AGBL1: variants seen among roughly 807,000 people sequenced by gnomAD.
The protein encoded by AGBL1 is AGBL carboxypeptidase 1.
A neutral mutation model predicts 118.9 loss-of-function variants in AGBL1; 130 were observed. That is an observed-to-expected ratio of 1.09 (90% CI 0.95 to 1.26). The LOEUF is 1.26. Among genes scored for constraint, AGBL1 ranks in the 50% most tolerant of loss-of-function variants. The pLI, the probability that AGBL1 is intolerant of heterozygous loss-of-function variation, is 0.00. For missense variants in AGBL1, 1,584 were observed against 1,298.1 expected (o/e 1.22, Z -3.38); for synonymous variants, 555 against 478.9 (o/e 1.16, Z -2.08).
chr15:86,403,124 G>T (rs1462059624), intron 18 of AGBL1, among the ~76,000 whole-genome samples: 2 of 152,228 alleles, frequency 1.3e-5, no homozygotes, highest in Non-Finnish European at 2.9e-5. Flanking sequence ...TTCCTGAACT[G>T]CATTAAAGGT....
intron 22 of AGBL1, among the ~76,000 whole-genome samples, chr15:86,800,831 A>C (rs2078639061): frequency 6.6e-6 from 1 of 152,164 alleles, no homozygotes; most frequent in Non-Finnish European, 1.5e-5. Context: ...AAAGAAATGG[A>C]GACTGGCCCA....
At chr15:86,127,565 G>T (rs2076763147) in intron 1 of AGBL1, among the ~76,000 whole-genome samples, 1 of 152,042 alleles carries the variant, frequency 6.6e-6, no homozygotes, top group Non-Finnish European at 1.5e-5. Flanking sequence ...GGGCACGTGG[G>T]AAATCATACC....
At chr15:86,723,728 A>T (rs933686079) in intron 22 of AGBL1, among the ~76,000 whole-genome samples, 11 of 152,214 alleles carry the variant, frequency 7.2e-5, no homozygotes, top group Non-Finnish European at 1.3e-4. Flanking sequence ...TATGGCAAAA[A>T]TATACAAAAG....
intron 18 of AGBL1, among the ~76,000 whole-genome samples, chr15:86,408,327 G>GCTCCAAACTT (rs1373438817): frequency 6.6e-6 from 1 of 152,192 alleles, no homozygotes; most frequent in African/African-American, 2.4e-5. Context: ...CAAGGTTTCA[G>GCTCCAAACTT]CTCCAAACTT....
chr15:86,759,888 C>G (rs913209025), intron 22 of AGBL1, among the ~76,000 whole-genome samples: 2 of 152,024 alleles, frequency 1.3e-5, no homozygotes, highest in Admixed American at 1.3e-4. Flanking sequence ...CTTATGGTAA[C>G]CTTATCACCT....
chr15:86,698,609 T>G (rs2086302762), intron 22 of AGBL1, among the ~76,000 whole-genome samples: 1 of 148,182 alleles, frequency 6.7e-6, no homozygotes, highest in African/African-American at 2.6e-5. Flanking sequence ...TGCTGATCAT[T>G]GTTTTTTTTT....
chr15:86,878,482 A>G (rs2079845851), intron 22 of AGBL1, among the ~76,000 whole-genome samples: 1 of 152,022 alleles, frequency 6.6e-6, no homozygotes, highest in Non-Finnish European at 1.5e-5. Context: ...CCTATCCATC[A>G]AGCTTCTTGT....
chr15:86,128,844 G>C (rs925361296), intron 1 of AGBL1, among the ~76,000 whole-genome samples: 2 of 152,178 alleles, frequency 1.3e-5, no homozygotes, highest in African/African-American at 4.8e-5. Flanking sequence ...TAGTTGAGCA[G>C]ATACTTCCTA....
intron 1 of AGBL1, among the ~76,000 whole-genome samples, chr15:86,110,836 A>G (rs1027001231): frequency 7.2e-5 from 11 of 152,222 alleles, no homozygotes; most frequent in African/African-American, 2.7e-4. Flanking sequence ...GAAGAGCCAG[A>G]GGAAATAGTT....
intron 17 of AGBL1, among the ~76,000 whole-genome samples, chr15:86,373,668 G>GC (rs769857481): frequency 3.9e-5 from 6 of 152,114 alleles, no homozygotes; most frequent in African/African-American, 1.4e-4. Flanking sequence ...AAGGTCAAGA[G>GC]CCCCTTGGAC....
At chr15:86,243,406 A>T (rs1487373649) in intron 6 of AGBL1, among the ~76,000 whole-genome samples, 1 of 152,184 alleles carries the variant, frequency 6.6e-6, no homozygotes, top group African/African-American at 2.4e-5. Flanking sequence ...TCAGACTGAG[A>T]ATTAGCTACA....
rs191002319 is a variant in AGBL1, at chr15:86,780,870, G to A, written c.3158+106434G>A. 6.2e-4 allele frequency among the ~76,000 whole-genome samples: 95 copies of A among 152,016 alleles called. 1 individual carries two copies. In the East Asian group the frequency reaches 0.015, roughly 24 times the overall value. On this transcript the variant is annotated intron_variant, in intron 22 of 22. Transcript: ENST00000614907. Reference sequence around the variant, plus strand: ...TTTAGTAGAGACGTGGTTTCACCATGTTTGCCTGTCTGATTTTGAACTCCT... The same window carrying A: ...TTTAGTAGAGACGTGGTTTCACCATATTTGCCTGTCTGATTTTGAACTCCT...
chr15:86,912,254 G>A lies in AGBL1; in HGVS notation c.*4960G>A, dbSNP rs74027166. 0.048 allele frequency: 7,337 copies of A among 152,266 alleles called. 181 individuals are homozygous for A. The highest frequency in any genetic ancestry group is 0.051 in the African/African-American group (2,131 of 41,538). 9.4% of individuals were successfully genotyped at this position (152,266 alleles called of 1,614,324 possible). A position where few individuals can be genotyped will look rare whatever the true frequency, so the allele number is the denominator to read the frequency against. On this transcript the variant is annotated 3_prime_UTR_variant, in exon 23 of 23. Transcript: ENST00000614907. ...TGGAAGAGTTCCCAGTGCGAGGCGA[G>A]CTTAACAAGGGGCAGGGTGTCCTTT...
At chr15:86,215,624 A>G (rs907123765) in intron 5 of AGBL1, among the ~76,000 whole-genome samples, 1 of 152,158 alleles carries the variant, frequency 6.6e-6, no homozygotes, top group Non-Finnish European at 1.5e-5. Flanking sequence ...GCTGCTTTCT[A>G]ACATGGCTAC....
chr15:86,872,124 G>A (rs948025333), intron 22 of AGBL1, among the ~76,000 whole-genome samples: 8 of 152,186 alleles, frequency 5.3e-5, no homozygotes, highest in African/African-American at 1.9e-4. Flanking sequence ...CAGTTGTGCA[G>A]CCCCACGCAC....
intron 7 of AGBL1, among the ~76,000 whole-genome samples, chr15:86,253,875 T>G (rs190820247): frequency 6.6e-6 from 1 of 152,228 alleles, no homozygotes; most frequent in Admixed American, 6.5e-5. Context: ...CTGGAAAAAT[T>G]GAAACTCTAT....
intron 23 of AGBL1, among the ~76,000 whole-genome samples, chr15:86,956,661 AT>A (rs2141678772): frequency 6.6e-6 from 1 of 152,290 alleles, no homozygotes; most frequent in East Asian, 1.9e-4. Context: ...TTAGTCACAC[AT>A]TAAAAAATAG....
intron 23 of AGBL1, among the ~76,000 whole-genome samples, chr15:86,946,574 G>A (rs942593608): frequency 2.0e-5 from 3 of 152,062 alleles, no homozygotes; most frequent in African/African-American, 4.8e-5. Context: ...GAGGTTGGGC[G>A]CAGGGGCTCA....
intron 1 of AGBL1, among the ~76,000 whole-genome samples, chr15:86,111,162 C>G (rs1263791393): frequency 1.3e-5 from 2 of 152,182 alleles, no homozygotes; most frequent in Non-Finnish European, 2.9e-5. Flanking sequence ...TTTTTGAGGT[C>G]CCTAGAAGTC....
Sources: allele counts gnomAD v4.1 joint callset (sites outside exome capture counted in the v4.1 genomes callset), GRCh38; gene constraint gnomAD v4.1.1; transcripts MANE v1.5; gene names NCBI Gene and HGNC (gene_info 2026-07-23, HGNC 2026-07-21).